NOL10: variants seen among roughly 807,000 people sequenced by gnomAD.
NOL10 encodes H_NH0074G24.1.
Under a neutral mutation model 103.5 loss-of-function variants are expected in NOL10, and 58 were observed. The ratio of observed to expected loss-of-function variants is 0.56; its 90% CI spans 0.45 to 0.70. The LOEUF (loss-of-function observed/expected upper bound fraction) is 0.70. Among genes scored for constraint, NOL10 ranks in the 30% least tolerant of loss-of-function variants. The pLI is 0.00. For missense variants in NOL10, 763 were observed against 807.3 expected, an observed-to-expected ratio of 0.95 and a Z score of 0.67; for synonymous variants, 287 against 282.5, an observed-to-expected ratio of 1.02 and a Z score of -0.16.
chr2:10,688,521 C>T (rs897970301), intron 1 of NOL10, among the ~76,000 whole-genome samples: 2 of 152,222 alleles, frequency 1.3e-5, no homozygotes, highest in African/African-American at 4.8e-5. Flanking sequence ...TCCTCTTCAT[C>T]ATCCAAGTTT....
rs1676272558 is a variant in NOL10, at chr2:10,606,590, A to ACAG, written c.1153+592_1153+594dup. Among the ~76,000 whole-genome samples, 4 of 143,944 alleles carry ACAG rather than the reference A, an allele frequency of 2.8e-5. No homozygotes were observed. The South Asian group carries it at 8.9e-4, about 32-fold the overall frequency. The allele number at this position is 143,944 out of a possible 152,430, so 94.4% of individuals were successfully genotyped here. ...GCCACTGCACTGCAGCCTGAGTGAC[A>ACAG]CAGCAAGACTCTGTCTCAAAAAAAA... On this transcript the variant is annotated intron_variant, in intron 14 of 20. Coordinates refer to ENST00000381685, the MANE Select transcript of NOL10 (RefSeq NM_024894.4).
At chr2:10,662,890 TTTA>T in intron 9 of NOL10, 66 bp downstream of exon 9, 2 of 1,157,274 alleles carry the variant, frequency 1.7e-6, no homozygotes, top group South Asian at 1.3e-5. Flanking sequence ...TTTATTTGAA[TTTA>T]ATATAGACAC....
At chr2:10,607,442 A>G (rs1334944897) in intron 13 of NOL10, 131 bp from the exon 14 acceptor site, 1 of 937,812 alleles carries the variant, frequency 1.1e-6, no homozygotes, top group Admixed American at 3.1e-5. Context: ...TGACAAATGG[A>G]TGCAGTATGT....
chr2:10,635,411 A>G (rs1197754635), intron 13 of NOL10, among the ~76,000 whole-genome samples: 5 of 152,226 alleles, frequency 3.3e-5, no homozygotes, highest in Non-Finnish European at 5.9e-5. Flanking sequence ...TTTGCCCCAG[A>G]TATGTGCTAT....
intron 13 of NOL10, among the ~76,000 whole-genome samples, chr2:10,625,341 G>T (rs1677393058): frequency 6.6e-6 from 1 of 152,138 alleles, no homozygotes; most frequent in Non-Finnish European, 1.5e-5. Flanking sequence ...GTAAAGTGCT[G>T]ATGGTGAGGG....
chr2:10,587,785 C>T (rs1331485146), intron 19 of NOL10, among the ~76,000 whole-genome samples: 2 of 152,256 alleles, frequency 1.3e-5, no homozygotes, highest in African/African-American at 4.8e-5. Context: ...ATGAATAAAA[C>T]ATATCTCAAC....
intron 3 of NOL10, among the ~76,000 whole-genome samples, chr2:10,676,166 G>A (rs911686723): frequency 1.3e-5 from 2 of 152,130 alleles, no homozygotes; most frequent in Admixed American, 6.5e-5. Context: ...ATTAAAAAAC[G>A]GTTAATATCT....
intron 6 of NOL10, among the ~76,000 whole-genome samples, chr2:10,670,115 G>A (rs1680830856): frequency 6.6e-6 from 1 of 151,888 alleles, no homozygotes; most frequent in African/African-American, 2.4e-5. Context: ...GTGCAATAGG[G>A]CTAAGAAACT....
intron 3 of NOL10, among the ~76,000 whole-genome samples, chr2:10,681,113 C>T (rs185348773): frequency 6.6e-6 from 1 of 152,236 alleles, no homozygotes; most frequent in Non-Finnish European, 1.5e-5. Flanking sequence ...CCTAGGTATT[C>T]ACCAAAGACA....
chr2:10,599,231 A>G (rs1675850428), intron 17 of NOL10, among the ~76,000 whole-genome samples: 1 of 152,246 alleles, frequency 6.6e-6, no homozygotes, highest in Non-Finnish European at 1.5e-5. Flanking sequence ...CTGGCATAAA[A>G]CACAGATAGG....
intron 17 of NOL10, among the ~76,000 whole-genome samples, chr2:10,600,016 A>C (rs1675891670): frequency 6.6e-6 from 1 of 152,134 alleles, no homozygotes; most frequent in South Asian, 2.1e-4. Flanking sequence ...CTTAAAAAAA[A>C]AAAGAACCTC....
At position 10,675,839 on chromosome 2, in the gene NOL10, T is replaced by C; in HGVS notation, c.244A>G (p.Thr82Ala). 8.2e-6 allele frequency: 13 copies of C among 1,582,268 alleles called. No individual in the cohort carries two copies. Among genetic ancestry groups the C allele is most frequent in the Non-Finnish European group, 1.1e-5 (13 of 1,160,678 alleles). The change falls in exon 4 of 21, where the codon ACC (threonine) becomes GCC (alanine). Residue 82 changes from threonine to alanine, a missense_variant. Thr to Ala is a moderately conservative substitution (Grantham distance 58). Transcript: ENST00000381685. ...TYKPRVRCYD[T>A]YQLSLKFERC... Reference sequence around the variant, plus strand: ...TCAAACTTCAAGGATAATTGATAGGTGTCATAACATCGAACCCGAGGTTTA... The same window carrying C: ...TCAAACTTCAAGGATAATTGATAGGCGTCATAACATCGAACCCGAGGTTTA...
At chr2:10,678,938 G>A (rs1262134398) in intron 3 of NOL10, among the ~76,000 whole-genome samples, 2 of 152,166 alleles carry the variant, frequency 1.3e-5, no homozygotes, top group Non-Finnish European at 2.9e-5. Flanking sequence ...TTAAATTTAA[G>A]ATTCCAGCTG....
intron 17 of NOL10, among the ~76,000 whole-genome samples, chr2:10,590,038 A>G (rs188002470): frequency 3.0e-4 from 45 of 150,622 alleles, no homozygotes; most frequent in African/African-American, 1.0e-3. Context: ...TGCTTAACAG[A>G]TTAGAAAGAA....
chr2:10,688,921 C>T (rs924386346), intron 1 of NOL10, among the ~76,000 whole-genome samples: 21 of 152,194 alleles, frequency 1.4e-4, no homozygotes, highest in African/African-American at 3.6e-4. Context: ...TAGAAGCAGA[C>T]GCATGGAAGG....
At chr2:10,671,361 A>T (rs1680919664) in intron 6 of NOL10, among the ~76,000 whole-genome samples, 193 bp downstream of exon 6, 1 of 152,006 alleles carries the variant, frequency 6.6e-6, no homozygotes, top group African/African-American at 2.4e-5. Context: ...TTATAAGTAA[A>T]CCAATATGTA....
intron 14 of NOL10, among the ~76,000 whole-genome samples, chr2:10,606,758 T>C (rs1676283717): frequency 6.6e-6 from 1 of 152,222 alleles, no homozygotes; most frequent in South Asian, 2.1e-4. Flanking sequence ...AATGTATCAC[T>C]TCTAAGTTTT....
At chr2:10,625,759 G>C (rs1040407215) in intron 13 of NOL10, among the ~76,000 whole-genome samples, 7 of 152,148 alleles carry the variant, frequency 4.6e-5, no homozygotes, top group Non-Finnish European at 8.8e-5. Flanking sequence ...CTGATGACAT[G>C]GGAGCAAAAG....
chr2:10,689,337 A>G (rs1404473953), intron 1 of NOL10, among the ~76,000 whole-genome samples: 1 of 152,186 alleles, frequency 6.6e-6, no homozygotes, highest in Non-Finnish European at 1.5e-5. Flanking sequence ...TACACCATAA[A>G]TTCTGCAGAT....
Sources: gnomAD v4.1 joint callset for allele counts (sites outside exome capture counted in the v4.1 genomes callset) on GRCh38, gnomAD v4.1.1 for gene constraint, MANE v1.5 for transcripts, NCBI Gene and HGNC (gene_info 2026-07-23, HGNC 2026-07-21) for gene names.